The following SLC2A9 variants were observed in gnomAD, a reference collection of about 807,000 sequenced individuals.
SLC2A9 encodes the protein solute carrier family 2, facilitated glucose transporter member 9.
SLC2A9 carries 39 observed loss-of-function variants against 50.6 expected under a neutral mutation model. That is an observed-to-expected ratio of 0.77 (90% CI 0.60 to 1.01). The LOEUF (loss-of-function observed/expected upper bound fraction) is 1.01, where lower values mean the gene tolerates loss of function less well. SLC2A9 is among the 50% of genes least tolerant of loss of function. The pLI, the probability that SLC2A9 is intolerant of heterozygous loss-of-function variation, is 0.00. For missense variants in SLC2A9, 686 were observed against 677.6 expected, an observed-to-expected ratio of 1.01 and a Z score of -0.14; for synonymous variants, 324 against 276.9, an observed-to-expected ratio of 1.17 and a Z score of -1.69.
chr4:9,772,549 G>T (rs993654218), intron 1 of SLC2A9, among the ~76,000 whole-genome samples: 2 of 152,186 alleles, frequency 1.3e-5, no homozygotes, highest in African/African-American at 4.8e-5. Flanking sequence ...AGAAGAGCAA[G>T]CTCCAGGGAA....
At chr4:9,906,197 G>A (rs985108624) in intron 8 of SLC2A9, among the ~76,000 whole-genome samples, 3 of 152,204 alleles carry the variant, frequency 2.0e-5, no homozygotes, top group Non-Finnish European at 2.9e-5. Flanking sequence ...GAGTCACAGA[G>A]ATGCTGAATA....
chr4:9,922,181 T>C lies in SLC2A9; in HGVS notation c.815-1609A>G, dbSNP rs149517836. ...GGCATTTGGGTTGATTCCATGTCAT[T>C]GCTACTGTGAACAGTGCTCAGCAAA... is the stretch of plus-strand genomic sequence containing the variant. On this transcript the variant is annotated intron_variant, in intron 6 of 11. Transcript: ENST00000264784. Among the ~76,000 whole-genome samples, 704 of 152,326 alleles carry C rather than the reference T, an allele frequency of 4.6e-3. 6 individuals carry two copies. The highest frequency in any genetic ancestry group is 0.016 in the African/African-American group (682 of 41,558).
intron 10 of SLC2A9, among the ~76,000 whole-genome samples, chr4:9,864,815 T>C (rs951764849): frequency 6.6e-6 from 1 of 152,166 alleles, no homozygotes; most frequent in African/African-American, 2.4e-5. Flanking sequence ...GTGCCTGTGT[T>C]GTCTCGCATG....
chr4:9,837,874 A>G (rs185616863), intron 10 of SLC2A9, among the ~76,000 whole-genome samples: 2 of 152,204 alleles, frequency 1.3e-5, no homozygotes, highest in East Asian at 3.9e-4. Context: ...TCCCAACCAG[A>G]GAAGGTGGTA....
At chr4:9,931,714 C>T (rs1745957295) in intron 6 of SLC2A9, among the ~76,000 whole-genome samples, 1 of 151,856 alleles carries the variant, frequency 6.6e-6, no homozygotes, top group Admixed American at 6.6e-5. Flanking sequence ...CAGCTCATTG[C>T]CATTATCCGG....
At chr4:10,000,400 C>A (rs1301460210) in intron 2 of SLC2A9, among the ~76,000 whole-genome samples, 1 of 152,158 alleles carries the variant, frequency 6.6e-6, no homozygotes, top group African/African-American at 2.4e-5. Flanking sequence ...TAACAGGAAA[C>A]CTCAACTCAA....
At chr4:9,878,394 G>C (rs1260862862) in intron 10 of SLC2A9, among the ~76,000 whole-genome samples, 1 of 152,036 alleles carries the variant, frequency 6.6e-6, no homozygotes, top group African/African-American at 2.4e-5. Context: ...GCTGCAGGCT[G>C]AGTTCAGTCA....
intron 2 of SLC2A9, 136 bp from the exon 3 acceptor site, chr4:9,997,077 T>C (rs973566632): frequency 1.0e-6 from 1 of 955,758 alleles, no homozygotes; most frequent in South Asian, 1.4e-5. Flanking sequence ...GAGCTTTATC[T>C]CATTGGCCTC....
At chr4:9,948,425 G>T (rs1333370607) in intron 5 of SLC2A9, among the ~76,000 whole-genome samples, 11 of 152,178 alleles carry the variant, frequency 7.2e-5, no homozygotes, top group Non-Finnish European at 1.5e-4. Context: ...CTGTCCTAGG[G>T]CTTCCCCCAC....
intron 6 of SLC2A9, among the ~76,000 whole-genome samples, chr4:9,937,365 C>G (rs1747281483): frequency 6.6e-6 from 1 of 152,138 alleles, no homozygotes; most frequent in South Asian, 2.1e-4. Context: ...TGTTTCTTCA[C>G]TCAGCACCCT....
rs376535246 is a variant in SLC2A9 at position 9,957,756 on chromosome 4, A to G, written c.682-15711T>C. ...TGAGAAAATGTTCCATAAAGAACAA[A>G]ATGATAAAGAGATGAAGGAAAGGAC... On this transcript the variant is annotated intron_variant, in intron 5 of 11. Coordinates refer to ENST00000264784, the MANE Select transcript of SLC2A9 (RefSeq NM_020041.3). Among the ~76,000 whole-genome samples the G allele has an allele frequency of 4.3e-4, 65 of 152,330 alleles. No homozygotes were observed. In the South Asian group the frequency reaches 0.013, roughly 31 times the overall value.
At chr4:9,945,772 CAG>C (rs1749038493) in intron 5 of SLC2A9, among the ~76,000 whole-genome samples, 1 of 152,144 alleles carries the variant, frequency 6.6e-6, no homozygotes. Context: ...GGTCCCAACA[CAG>C]AGCTGAGGCC....
At chr4:9,978,944 G>C (rs181582193) in intron 5 of SLC2A9, among the ~76,000 whole-genome samples, 2 of 152,280 alleles carry the variant, frequency 1.3e-5, no homozygotes, top group Admixed American at 1.3e-4. Flanking sequence ...TTTAAAAATG[G>C]AATACAGTGA....
chr4:10,007,934 T>A (rs939393904), intron 2 of SLC2A9, among the ~76,000 whole-genome samples: 3 of 152,236 alleles, frequency 2.0e-5, no homozygotes, highest in Admixed American at 2.0e-4. Flanking sequence ...CCGAGCATGA[T>A]GTCAGCATAC....
intron 6 of SLC2A9, among the ~76,000 whole-genome samples, chr4:9,941,559 C>A (rs1417060185): frequency 1.3e-5 from 2 of 152,156 alleles, no homozygotes; most frequent in African/African-American, 4.8e-5. Context: ...GGCCGCCATG[C>A]ACCTAAGCCA....
At chr4:9,820,948 G>A (rs1724311979) in intron 3 of SLC2A9, among the ~76,000 whole-genome samples, 1 of 152,170 alleles carries the variant, frequency 6.6e-6, no homozygotes, top group Admixed American at 6.5e-5. Context: ...ACACTGACTT[G>A]AACTTCCAGT....
chr4:9,923,522 TTGCAGATGG>T (rs1381171497), intron 6 of SLC2A9, among the ~76,000 whole-genome samples: 1 of 152,120 alleles, frequency 6.6e-6, no homozygotes, highest in Non-Finnish European at 1.5e-5. Context: ...GCCGTCCATT[TTGCAGATGG>T]ACAGAGGGGA....
chr4:9,987,832 A>G (rs1251322036), intron 3 of SLC2A9, among the ~76,000 whole-genome samples: 2 of 152,218 alleles, frequency 1.3e-5, no homozygotes, highest in African/African-American at 2.4e-5. Context: ...CGTCTTGAAA[A>G]AAAAAGAAAA....
chr4:9,968,979 C>G (rs1753473913), intron 5 of SLC2A9, among the ~76,000 whole-genome samples: 1 of 152,116 alleles, frequency 6.6e-6, no homozygotes, highest in South Asian at 2.1e-4. Context: ...CCCTGTGATA[C>G]TGTTTTGATC....
Sources: gnomAD v4.1 joint callset for allele counts (sites outside exome capture counted in the v4.1 genomes callset) on GRCh38, gnomAD v4.1.1 for gene constraint, MANE v1.5 for transcripts, NCBI Gene and HGNC (gene_info 2026-07-23, HGNC 2026-07-21) for gene names.